The following ACSM2B variants were observed in gnomAD, a reference collection of about 807,000 sequenced individuals.
ACSM2B encodes acyl-coenzyme A synthetase ACSM2B, mitochondrial.
ACSM2B carries 58 observed loss-of-function variants against 78.6 expected under a neutral mutation model. The ratio of observed to expected loss-of-function variants is 0.74; its 90% CI spans 0.60 to 0.92. The LOEUF is 0.92. Ranked by LOEUF, ACSM2B falls within the 40% of genes least tolerant of loss-of-function variation. The pLI, the probability that ACSM2B is intolerant of heterozygous loss-of-function variation, is 0.00. For missense variants in ACSM2B, 688 were observed against 711.2 expected, an observed-to-expected ratio of 0.97 and a Z score of 0.37; for synonymous variants, 257 against 256.8, an observed-to-expected ratio of 1.00 and a Z score of -0.01.
At chr16:20,539,943 G>C (rs2014939794) in intron 13 of ACSM2B, among the ~76,000 whole-genome samples, 1 of 152,208 alleles carries the variant, frequency 6.6e-6, no homozygotes, top group South Asian at 2.1e-4. Context: ...CATAATGAAA[G>C]CTTTCTTCAC....
intron 1 of ACSM2B, among the ~76,000 whole-genome samples, chr16:20,569,030 G>A (rs184617979): frequency 3.3e-5 from 5 of 151,830 alleles, no homozygotes; most frequent in Non-Finnish European, 7.4e-5. Flanking sequence ...TTACTTTGCT[G>A]ACTGTTCCTT....
At chr16:20,563,402 G>T (rs1014684449) in intron 2 of ACSM2B, among the ~76,000 whole-genome samples, 2 of 152,014 alleles carry the variant, frequency 1.3e-5, no homozygotes, top group African/African-American at 2.4e-5. Flanking sequence ...GCTGTTATAT[G>T]AGTTGAATAT....
intron 3 of ACSM2B, among the ~76,000 whole-genome samples, chr16:20,556,710 T>C (rs762742638): frequency 2.6e-4 from 39 of 152,198 alleles, no homozygotes; most frequent in Non-Finnish European, 5.0e-4. Flanking sequence ...CTTAGCTCAC[T>C]TTCTTCCCAC....
chr16:20,556,008 A>G (rs2015462760), intron 3 of ACSM2B, among the ~76,000 whole-genome samples: 1 of 152,114 alleles, frequency 6.6e-6, no homozygotes, highest in Admixed American at 6.5e-5. Flanking sequence ...TTGGGTACAA[A>G]GCGGTATTAT....
intron 8 of ACSM2B, chr16:20,547,536 T>C (rs1204537925): frequency 1.0e-6 from 1 of 977,166 alleles, no homozygotes; most frequent in Admixed American, 5.9e-5. Flanking sequence ...TAAAATAGTA[T>C]AGAATAGCAT....
intron 13 of ACSM2B, 53 bp downstream of exon 13, chr16:20,540,601 G>T (rs2014961655): frequency 1.3e-6 from 2 of 1,599,934 alleles, no homozygotes; most frequent in South Asian, 2.2e-5. Context: ...AAATATAACA[G>T]GAAAACAATC....
At chr16:20,546,760 C>A in intron 8 of ACSM2B, 1 of 347,460 alleles carries the variant, frequency 2.9e-6, no homozygotes, top group South Asian at 1.2e-4. Context: ...TTTAATACGA[C>A]GCTATGGATA....
chr16:20,572,250 A>G (rs2016111443), intron 1 of ACSM2B, among the ~76,000 whole-genome samples: 1 of 147,800 alleles, frequency 6.8e-6, no homozygotes, highest in Admixed American at 6.7e-5. Context: ...TCCTTTTAGC[A>G]GTTCTTGTAG....
intron 1 of ACSM2B, among the ~76,000 whole-genome samples, chr16:20,566,718 G>GTA (rs1555459397): frequency 0.01 from 52 of 5,000 alleles, 3 homozygotes; most frequent in African/African-American, 0.033. Context: ...AGTATATATA[G>GTA]TATATACTAT....
chr16:20,559,960 T>A lies in ACSM2B; in HGVS notation c.178-513A>T, dbSNP rs997870338. The stretch of plus-strand genomic sequence containing the variant: ...ATAAAAAGGCAAATATCACTTTAGA[T>A]TTATTTATATATTTATCTCTATCTA... On this transcript the variant is annotated intron_variant, in intron 2 of 13. Transcript: ENST00000329697. Among the ~76,000 whole-genome samples, 4 of 151,180 alleles carry A rather than the reference T, an allele frequency of 2.6e-5. No homozygotes were observed. In the East Asian group the frequency reaches 7.7e-4, roughly 29 times the overall value.
chr16:20,561,243 A>T (rs1384103166), intron 2 of ACSM2B, among the ~76,000 whole-genome samples: 1 of 151,888 alleles, frequency 6.6e-6, no homozygotes, highest in Admixed American at 6.6e-5. Context: ...TTGCATTGTT[A>T]TAAAGGAATA....
At chr16:20,562,072 T>C (rs187181319) in intron 2 of ACSM2B, among the ~76,000 whole-genome samples, 4 of 152,110 alleles carry the variant, frequency 2.6e-5, no homozygotes, top group South Asian at 2.1e-4. Flanking sequence ...GTGAATAAAG[T>C]TACTGTGAAC....
intron 2 of ACSM2B, among the ~76,000 whole-genome samples, chr16:20,563,792 T>C (rs1172043942): frequency 6.6e-6 from 1 of 152,044 alleles, no homozygotes; most frequent in Non-Finnish European, 1.5e-5. Context: ...TGAGCACCAA[T>C]GTATTAAGTT....
At chr16:20,559,728 T>TA (rs2015592437) in intron 2 of ACSM2B, among the ~76,000 whole-genome samples, 1 of 150,130 alleles carries the variant, frequency 6.7e-6, no homozygotes, top group Non-Finnish European at 1.5e-5. Flanking sequence ...ATAATTTTTT[T>TA]ATAATGATAA....
chr16:20,564,827 C>G lies in ACSM2B; in HGVS notation c.19G>C (p.Val7Leu), dbSNP rs753711914. MHWLRKVQGLCTLWGTQ... is the reference protein window; with the variant it reads MHWLRKLQGLCTLWGTQ... The stretch of plus-strand genomic sequence containing the variant: ...CCCCACAGGGTGCAAAGTCCCTGAA[C>G]TTTTCGCAGCCAATGCATGTTCAGG... The change falls in exon 2 of 14, where the codon GTT becomes CTT. Residue 7 changes from valine to leucine, a missense_variant. By Grantham distance (32) the Val-to-Leu change is conservative. Transcript: ENST00000329697. 2.5e-6 allele frequency: 4 copies of G among 1,611,150 alleles called. No homozygotes were observed.
chr16:20,547,205 A>G (rs1434419267), intron 8 of ACSM2B: 12 of 989,060 alleles, frequency 1.2e-5, no homozygotes, highest in Non-Finnish European at 1.4e-5. Context: ...AGTGATTAAG[A>G]TCATGGGAAT....
rs759628455 is a variant in ACSM2B at position 20,559,464 on chromosome 16, C to T, written c.178-17G>A. On this transcript the variant is annotated splice_polypyrimidine_tract_variant and intron_variant, in intron 2 of 13. Transcript: ENST00000329697. Reference sequence around the variant, plus strand: ...CTTGCCAGCCTGAGGAAAGAGAAACCCTGTTGATTAGGGGGCATTGGTACA... The same window carrying T: ...CTTGCCAGCCTGAGGAAAGAGAAACTCTGTTGATTAGGGGGCATTGGTACA... The T allele has an allele frequency of 5.0e-5, 81 of 1,612,248 alleles. No individual in the cohort carries two copies. Among genetic ancestry groups the T allele is most frequent in the Non-Finnish European group, 6.6e-5 (78 of 1,179,186 alleles).
At chr16:20,543,045 G>A (rs780549168) in intron 11 of ACSM2B, 32 bp from the exon 12 acceptor site, 4 of 1,613,344 alleles carry the variant, frequency 2.5e-6, no homozygotes, top group Non-Finnish European at 3.4e-6. Flanking sequence ...AGAGAACACT[G>A]GACACCGAAC....
At chr16:20,565,755 T>C (rs1237175381) in intron 1 of ACSM2B, among the ~76,000 whole-genome samples, 3 of 152,056 alleles carry the variant, frequency 2.0e-5, no homozygotes, top group South Asian at 4.1e-4. Flanking sequence ...ACTTAACACT[T>C]ACAGTATACA....
Sources: gnomAD v4.1 joint callset for allele counts (sites outside exome capture counted in the v4.1 genomes callset) on GRCh38, gnomAD v4.1.1 for gene constraint, MANE v1.5 for transcripts, NCBI Gene and HGNC (gene_info 2026-07-23, HGNC 2026-07-21) for gene names.